Variants in PDE4D observed in about 807,000 individuals in gnomAD.
PDE4D encodes the protein 3',5'-cyclic-AMP phosphodiesterase 4D.
PDE4D carries 24 observed loss-of-function variants against 87.4 expected under a neutral mutation model. The ratio of observed to expected loss-of-function variants is 0.27; its 90% confidence interval spans 0.20 to 0.39. The LOEUF (loss-of-function observed/expected upper bound fraction) is 0.39, where lower values mean the gene tolerates loss of function less well. Ranked by LOEUF, PDE4D falls within the 10% of genes least tolerant of loss-of-function variation. The probability of loss-of-function intolerance (pLI) is 1.00; values close to 1 mark genes in which losing one functional copy is unlikely to be tolerated. For missense variants in PDE4D, 714 were observed against 1,041.0 expected (o/e 0.69, Z 4.32); for synonymous variants, 384 against 383.2 (o/e 1.00, Z -0.02).
At chr5:59,343,951 G>T (rs1779201416) in intron 1 of PDE4D, among the ~76,000 whole-genome samples, 1 of 152,042 alleles carries the variant, frequency 6.6e-6, no homozygotes, top group African/African-American at 2.4e-5. Context: ...CCATTTGAAT[G>T]CAACCTAACA....
At chr5:59,942,118 C>T (rs1757251980) in intron 3 of PDE4D, among the ~76,000 whole-genome samples, 1 of 152,220 alleles carries the variant, frequency 6.6e-6, no homozygotes, top group African/African-American at 2.4e-5. Context: ...ATACCACAGG[C>T]TTGCCTTTCT....
intron 1 of PDE4D, among the ~76,000 whole-genome samples, chr5:60,276,876 T>G (rs1377842572): frequency 6.6e-6 from 1 of 152,078 alleles, no homozygotes; most frequent in Non-Finnish European, 1.5e-5. Context: ...TTTCTGTGAT[T>G]AATATTTATA....
chr5:60,385,574 C>T (rs1762140273), intron 1 of PDE4D, among the ~76,000 whole-genome samples: 1 of 152,350 alleles, frequency 6.6e-6, no homozygotes, highest in African/African-American at 2.4e-5. Flanking sequence ...TTCCAAGGCT[C>T]TCATAAAATC....
intron 2 of PDE4D, among the ~76,000 whole-genome samples, chr5:60,044,332 C>T (rs868345476): frequency 6.6e-6 from 1 of 151,208 alleles, no homozygotes; most frequent in African/African-American, 2.4e-5. Flanking sequence ...TGTTTCTTAA[C>T]ATCTTTGACA....
intron 6 of PDE4D, among the ~76,000 whole-genome samples, chr5:59,022,046 A>G (rs1172033426): frequency 1.3e-5 from 2 of 152,268 alleles, no homozygotes; most frequent in Non-Finnish European, 2.9e-5. Context: ...GACGCCAACT[A>G]TTAGTGCTAA....
chr5:59,971,363 A>AAAAAAAATAAATAAAT (rs1554125404), intron 3 of PDE4D, among the ~76,000 whole-genome samples: 1 of 145,978 alleles, frequency 6.9e-6, no homozygotes, highest in Non-Finnish European at 1.5e-5. Flanking sequence ...ATAATAATAA[A>AAAAAAAATAAATAAAT]AAATAAATAA....
intron 2 of PDE4D, among the ~76,000 whole-genome samples, chr5:60,003,695 C>A (rs868469685): frequency 7.4e-6 from 1 of 134,678 alleles, no homozygotes. Flanking sequence ...GGCAACAGAG[C>A]GAGACTCCAT....
intron 1 of PDE4D, among the ~76,000 whole-genome samples, chr5:60,200,912 A>C (rs1741825577): frequency 1.3e-5 from 2 of 152,174 alleles, no homozygotes; most frequent in African/African-American, 4.8e-5. Context: ...AATGCATGTG[A>C]AAACACTTAA....
chr5:60,069,080 A>T (rs12655292), intron 2 of PDE4D, among the ~76,000 whole-genome samples: 1 of 151,952 alleles, frequency 6.6e-6, no homozygotes, highest in East Asian at 1.9e-4. Context: ...CCAGTTTTCC[A>T]AGTACCATTT....
chr5:59,544,752 A>G (rs1324199270), intron 1 of PDE4D, among the ~76,000 whole-genome samples: 1 of 152,278 alleles, frequency 6.6e-6, no homozygotes, highest in East Asian at 1.9e-4. Flanking sequence ...TGTTTTTACA[A>G]ATGTCATATG....
intron 1 of PDE4D, among the ~76,000 whole-genome samples, chr5:59,562,316 T>A (rs903906108): frequency 6.6e-6 from 1 of 152,222 alleles, no homozygotes; most frequent in Non-Finnish European, 1.5e-5. Flanking sequence ...ACCAGATCTT[T>A]TATTTGATAT....
chr5:60,429,847 T>G (rs973297428), intron 1 of PDE4D: 36 of 336,136 alleles, frequency 1.1e-4, no homozygotes, highest in East Asian at 2.4e-4. Flanking sequence ...TTTTTTTTTT[T>G]GTTTTTTTTT....
At chr5:59,338,366 C>T (rs912974785) in intron 1 of PDE4D, among the ~76,000 whole-genome samples, 2 of 152,158 alleles carry the variant, frequency 1.3e-5, no homozygotes, top group Non-Finnish European at 2.9e-5. Flanking sequence ...AAGTTCTTTA[C>T]CTACACACAG....
At chr5:59,612,239 TTG>T (rs1491310988) in intron 1 of PDE4D, among the ~76,000 whole-genome samples, 2 of 108,766 alleles carry the variant, frequency 1.8e-5, no homozygotes, top group African/African-American at 3.2e-5. Flanking sequence ...ACTGTTTTTT[TTG>T]TTTGTTTGTT....
At chr5:59,757,995 G>A (rs1459851420) in intron 1 of PDE4D, among the ~76,000 whole-genome samples, 1 of 152,114 alleles carries the variant, frequency 6.6e-6, no homozygotes, top group Non-Finnish European at 1.5e-5. Flanking sequence ...CTACCTTTCT[G>A]TTAACTACTA....
chr5:59,001,544 A>G (rs544715738), intron 6 of PDE4D, among the ~76,000 whole-genome samples: 2 of 152,328 alleles, frequency 1.3e-5, no homozygotes, highest in South Asian at 2.1e-4. Flanking sequence ...CTACCCCCAG[A>G]GGAATACTAA....
intron 1 of PDE4D, among the ~76,000 whole-genome samples, chr5:59,695,703 G>C (rs1256913278): frequency 6.6e-6 from 1 of 152,156 alleles, no homozygotes; most frequent in Non-Finnish European, 1.5e-5. Context: ...CTGGGCTCAA[G>C]TGATCCTCCT....
chr5:59,904,491 C>T (rs923276041), intron 3 of PDE4D, among the ~76,000 whole-genome samples: 2 of 152,122 alleles, frequency 1.3e-5, no homozygotes, highest in Admixed American at 1.3e-4. Flanking sequence ...TTATCCAAGA[C>T]CTCCAAAATG....
At chr5:59,755,551 C>T (rs1361806832) in intron 1 of PDE4D, among the ~76,000 whole-genome samples, 1 of 152,064 alleles carries the variant, frequency 6.6e-6, no homozygotes, top group Non-Finnish European at 1.5e-5. Flanking sequence ...TTAAAGGAAG[C>T]CTGGTTCTAT....
Sources: allele counts gnomAD v4.1 joint callset (sites outside exome capture counted in the v4.1 genomes callset), GRCh38; gene constraint gnomAD v4.1.1; transcripts MANE v1.5; gene names NCBI Gene and HGNC (gene_info 2026-07-23, HGNC 2026-07-21).